Variants in RGS7BP observed in about 807,000 individuals in gnomAD.
The protein encoded by RGS7BP is regulator of G protein signaling 7 binding protein, also known as regulator of G protein signaling 7-binding protein.
Under a neutral mutation model 31.3 loss-of-function variants are expected in RGS7BP, and 9 were observed. That is an observed-to-expected ratio of 0.29 (90% CI 0.17 to 0.50). The LOEUF is 0.50. Ranked by LOEUF, RGS7BP falls within the 20% of genes least tolerant of loss-of-function variation. The pLI is 0.98. For missense variants in RGS7BP, 274 were observed against 322.0 expected, an observed-to-expected ratio of 0.85 and a Z score of 1.14; for synonymous variants, 115 against 120.1, an observed-to-expected ratio of 0.96 and a Z score of 0.28.
intron 2 of RGS7BP, among the ~76,000 whole-genome samples, chr5:64,525,869 A>G (rs749161893): frequency 2.0e-5 from 3 of 152,204 alleles, no homozygotes; most frequent in Non-Finnish European, 4.4e-5. Flanking sequence ...TTCATCATTT[A>G]TCTTCAATTG....
chr5:64,544,817 C>T (rs1741612153), intron 2 of RGS7BP, among the ~76,000 whole-genome samples: 1 of 152,128 alleles, frequency 6.6e-6, no homozygotes, highest in African/African-American at 2.4e-5. Context: ...CCGTAGTAAT[C>T]AATGAGCAGA....
rs1399081095 is a variant in RGS7BP at position 64,506,249 on chromosome 5, C to G, written c.-376C>G. ...AGCGCAGGCTTTGAAAGCTGCTCCCCCACCTGAATGGAAACTCGGAACCGC... is the reference window on the plus strand; with the variant it reads ...AGCGCAGGCTTTGAAAGCTGCTCCCGCACCTGAATGGAAACTCGGAACCGC... On this transcript the variant is annotated 5_prime_UTR_variant, in exon 1 of 6. Transcript: ENST00000334025. This position sits in a 1 kb window ranked among gnomAD's most constrained non-coding sequence, Gnocchi z 4.6. 5.7e-6 allele frequency: 1 copy of G among 175,984 alleles called. No homozygotes were observed. The highest frequency in any genetic ancestry group is 2.4e-5 in the African/African-American group (1 of 42,430). 10.9% of individuals were successfully genotyped at this position (175,984 alleles called of 1,614,324 possible).
At chr5:64,604,054 C>T (rs1410601772) in intron 5 of RGS7BP, among the ~76,000 whole-genome samples, 1 of 152,186 alleles carries the variant, frequency 6.6e-6, no homozygotes. Flanking sequence ...AAAGTACAGG[C>T]ATCGTTAGGG....
intron 2 of RGS7BP, among the ~76,000 whole-genome samples, chr5:64,536,191 G>A (rs1741350047): frequency 6.6e-6 from 1 of 152,176 alleles, no homozygotes; most frequent in African/African-American, 2.4e-5. Flanking sequence ...GGGCAGGGCT[G>A]AGTTTGAAGA....
rs924229860 is a variant in RGS7BP at position 64,509,201 on chromosome 5, G to GA, written c.332+1334dup. ...TAAATCTCAGACAAGGAGAGAGACA[G>GA]AAAAAAAAAATCAGAAATGTGAAGG... On this transcript the variant is annotated intron_variant, in intron 2 of 5. Transcript: ENST00000334025. 1.8e-3 allele frequency among the ~76,000 whole-genome samples: 267 copies of GA among 148,528 alleles called. 2 individuals carry two copies. The highest frequency in any genetic ancestry group is 5.5e-3 in the African/African-American group (224 of 40,660).
chr5:64,590,166 T>G (rs1742873427), intron 3 of RGS7BP, among the ~76,000 whole-genome samples: 1 of 151,924 alleles, frequency 6.6e-6, no homozygotes, highest in Non-Finnish European at 1.5e-5. Context: ...TACCAGTTAT[T>G]AGAAAAACTT....
chr5:64,575,615 T>G, intron 2 of RGS7BP, 159 bp from the exon 3 acceptor site: 1 of 1,316,054 alleles, frequency 7.6e-7, no homozygotes, highest in Non-Finnish European at 9.7e-7. Context: ...ATAAGAACTG[T>G]CACATTGGTC....
chr5:64,567,035 A>G (rs1031131568), intron 2 of RGS7BP, among the ~76,000 whole-genome samples: 1 of 151,630 alleles, frequency 6.6e-6, no homozygotes, highest in Admixed American at 6.6e-5. Context: ...CCTCAAACGG[A>G]CCTTTTGCTC....
intron 5 of RGS7BP, among the ~76,000 whole-genome samples, chr5:64,605,096 C>T (rs926051532): frequency 5.9e-5 from 9 of 152,060 alleles, no homozygotes; most frequent in African/African-American, 1.7e-4. Context: ...ATTTCCTATT[C>T]TCCCTCTTTT....
chr5:64,506,904 A>T lies in RGS7BP; in HGVS notation c.165+115A>T. ...CCACTCCCCCACCCTCAGCTCCTCA[A>T]TGCCGATCACGTGGCACATGCACTA... On this transcript the variant is annotated intron_variant, in intron 1 of 5. Transcript: ENST00000334025. This position sits in a 1 kb window ranked among gnomAD's most constrained non-coding sequence, Gnocchi z 4.6. 1.0e-6 allele frequency: 1 copy of T among 975,160 alleles called. No homozygotes were observed. The highest frequency in any genetic ancestry group is 1.5e-6 in the Non-Finnish European group (1 of 664,024). 60.4% of individuals were successfully genotyped at this position (975,160 alleles called of 1,614,324 possible).
At chr5:64,550,904 ATG>A (rs1741779791) in intron 2 of RGS7BP, among the ~76,000 whole-genome samples, 3 of 151,890 alleles carry the variant, frequency 2.0e-5, no homozygotes, top group Non-Finnish European at 4.4e-5. Flanking sequence ...TACAAAGGAC[ATG>A]AACTCATCAT....
rs977995067 is a variant in RGS7BP, at chr5:64,611,679, G to A, written c.*2427G>A. On this transcript the variant is annotated 3_prime_UTR_variant, in exon 6 of 6. Transcript: ENST00000334025. Reference sequence around the variant, plus strand: ...GCCTTTGATCAGTTTTGTAGTTCCCGTGGATAAACTCCAAGATCTAAAGAT... The same window carrying A: ...GCCTTTGATCAGTTTTGTAGTTCCCATGGATAAACTCCAAGATCTAAAGAT... 2.0e-5 allele frequency: 3 copies of A among 152,042 alleles called. No homozygotes were observed. Among genetic ancestry groups the A allele is most frequent in the Non-Finnish European group, 4.4e-5 (3 of 67,836 alleles). The allele number at this position is 152,042 out of a possible 1,614,324, so 9.4% of individuals were successfully genotyped here. A position where few individuals can be genotyped will look rare whatever the true frequency, so the allele number is the denominator to read the frequency against.
At chr5:64,538,155 C>T (rs1164974078) in intron 2 of RGS7BP, among the ~76,000 whole-genome samples, 1 of 152,074 alleles carries the variant, frequency 6.6e-6, no homozygotes, top group Non-Finnish European at 1.5e-5. Context: ...GATATGAATG[C>T]TTTTATAAAA....
At chr5:64,513,223 C>T (rs772869058) in intron 2 of RGS7BP, among the ~76,000 whole-genome samples, 3 of 152,170 alleles carry the variant, frequency 2.0e-5, no homozygotes, top group Non-Finnish European at 4.4e-5. Flanking sequence ...AGCAATGTAA[C>T]GAACATCCTA....
At chr5:64,511,801 A>T (rs1748843774) in intron 2 of RGS7BP, among the ~76,000 whole-genome samples, 1 of 152,220 alleles carries the variant, frequency 6.6e-6, no homozygotes, top group Non-Finnish European at 1.5e-5. Flanking sequence ...CCTTGATGGA[A>T]TGCTTAGCTC....
Position 64,524,000 on chromosome 5 carries a change from T to C in RGS7BP, c.332+16123T>C, listed in dbSNP as rs567559609. Among the ~76,000 whole-genome samples the C allele has an allele frequency of 6.6e-5, 10 of 152,316 alleles. No homozygotes were observed. In the East Asian group the frequency reaches 1.5e-3, roughly 23 times the overall value. ...TGAGGTCCACATGCATGCTAAATACTGGGCATACATATTTAACTTTACCTA... is the reference window on the plus strand; with the variant it reads ...TGAGGTCCACATGCATGCTAAATACCGGGCATACATATTTAACTTTACCTA... On this transcript the variant is annotated intron_variant, in intron 2 of 5. Transcript: ENST00000334025.
At chr5:64,574,143 C>A (rs1031677464) in intron 2 of RGS7BP, among the ~76,000 whole-genome samples, 1 of 152,012 alleles carries the variant, frequency 6.6e-6, no homozygotes. Context: ...AGATAATATA[C>A]AAGGATCAAT....
chr5:64,555,717 A>G (rs2111847432), intron 2 of RGS7BP, among the ~76,000 whole-genome samples: 1 of 152,316 alleles, frequency 6.6e-6, no homozygotes, highest in East Asian at 1.9e-4. Flanking sequence ...TTAATAGTTG[A>G]AAAAGCACAT....
chr5:64,532,402 A>G (rs1334132075), intron 2 of RGS7BP, among the ~76,000 whole-genome samples: 1 of 152,098 alleles, frequency 6.6e-6, no homozygotes, highest in African/African-American at 2.4e-5. Context: ...CTTAATCTGC[A>G]AAGTGTAGAG....
Sources: gnomAD v4.1 joint callset for allele counts (sites outside exome capture counted in the v4.1 genomes callset) on GRCh38, gnomAD v4.1.1 for gene constraint, Gnocchi (gnomAD v3.1) non-coding constraint, MANE v1.5 for transcripts, NCBI Gene and HGNC (gene_info 2026-07-23, HGNC 2026-07-21) for gene names.